Variants in CDH18 observed in about 807,000 individuals in gnomAD.
CDH18 encodes the protein cadherin-18.
Under a neutral mutation model 67.9 loss-of-function variants are expected in CDH18, and 31 were observed. That is an observed-to-expected ratio of 0.46 (90% confidence interval 0.34 to 0.62). The LOEUF (loss-of-function observed/expected upper bound fraction) is 0.62, where lower values mean the gene tolerates loss of function less well. Among genes scored for constraint, CDH18 ranks in the 20% least tolerant of loss-of-function variants. The pLI is 0.01. For synonymous variants in CDH18, 362 were observed against 347.2 expected (o/e 1.04, Z -0.48); for missense variants, 890 against 975.5 (o/e 0.91, Z 1.17).
At chr5:19,836,303 A>T (rs1042949131) in intron 3 of CDH18, among the ~76,000 whole-genome samples, 2 of 152,040 alleles carry the variant, frequency 1.3e-5, no homozygotes, top group African/African-American at 4.8e-5. Context: ...AAGTGTTCCT[A>T]TTTCTCCACA....
chr5:19,806,056 CCT>C (rs1221652425), intron 3 of CDH18, among the ~76,000 whole-genome samples: 1 of 152,200 alleles, frequency 6.6e-6, no homozygotes, highest in Non-Finnish European at 1.5e-5. Flanking sequence ...AACCGTTACC[CCT>C]GTTTGTCCTT....
At chr5:19,832,689 T>C (rs1033842386) in intron 3 of CDH18, among the ~76,000 whole-genome samples, 2 of 152,192 alleles carry the variant, frequency 1.3e-5, no homozygotes, top group African/African-American at 4.8e-5. Flanking sequence ...TAGTCCATCT[T>C]GAGTTAATGT....
chr5:20,049,383 AG>A (rs916530849), intron 2 of CDH18, among the ~76,000 whole-genome samples: 1 of 151,714 alleles, frequency 6.6e-6, no homozygotes, highest in African/African-American at 2.4e-5. Context: ...GGAGAGGATC[AG>A]GAAAAATAAC....
intron 5 of CDH18, among the ~76,000 whole-genome samples, chr5:19,648,021 A>G (rs1755029177): frequency 6.6e-6 from 1 of 152,090 alleles, no homozygotes; most frequent in Non-Finnish European, 1.5e-5. Context: ...AAGACAATTG[A>G]AGGCAGAACT....
intron 10 of CDH18, among the ~76,000 whole-genome samples, chr5:19,517,649 T>C (rs978140999): frequency 2.0e-5 from 3 of 152,138 alleles, no homozygotes; most frequent in African/African-American, 7.2e-5. Flanking sequence ...GTAGGCAGTA[T>C]GCTTGGTGGT....
intron 2 of CDH18, among the ~76,000 whole-genome samples, chr5:19,902,990 T>C (rs1790110726): frequency 6.6e-6 from 1 of 152,048 alleles, no homozygotes; most frequent in Admixed American, 6.6e-5. Flanking sequence ...ATTATTATTT[T>C]AAAACTTTGT....
At chr5:20,568,788 TA>T (rs1391196094) in intron 1 of CDH18, among the ~76,000 whole-genome samples, 3 of 152,206 alleles carry the variant, frequency 2.0e-5, no homozygotes, top group Non-Finnish European at 4.4e-5. Flanking sequence ...TTTGTCTGTG[TA>T]TTGTTTCAAG....
chr5:20,151,549 T>C (rs1751105990), intron 2 of CDH18, among the ~76,000 whole-genome samples: 1 of 152,132 alleles, frequency 6.6e-6, no homozygotes, highest in Non-Finnish European at 1.5e-5. Context: ...TTAAGTTATT[T>C]GAGAAACATC....
At chr5:20,564,329 G>A (rs1017859182) in intron 1 of CDH18, among the ~76,000 whole-genome samples, 25 of 149,498 alleles carry the variant, frequency 1.7e-4, no homozygotes, top group South Asian at 2.1e-4. Context: ...CCAGGCTGGA[G>A]TACATTGGTG....
At chr5:19,622,242 T>C (rs764425355) in intron 5 of CDH18, among the ~76,000 whole-genome samples, 5 of 152,096 alleles carry the variant, frequency 3.3e-5, no homozygotes, top group Admixed American at 6.6e-5. Flanking sequence ...ACATGGTAAG[T>C]AAACTCGGGT....
chr5:19,723,340 T>C (rs1163639749), intron 4 of CDH18, among the ~76,000 whole-genome samples: 1 of 152,168 alleles, frequency 6.6e-6, no homozygotes, highest in Non-Finnish European at 1.5e-5. Context: ...AAGTTTATTC[T>C]GTGTCTTCAA....
intron 1 of CDH18, among the ~76,000 whole-genome samples, chr5:20,267,832 A>C (rs187783860): frequency 6.6e-6 from 1 of 152,320 alleles, no homozygotes; most frequent in Non-Finnish European, 1.5e-5. Context: ...CACGAGGTAC[A>C]TGTGCAGGTT....
At chr5:20,410,169 C>A (rs73058752) in intron 1 of CDH18, among the ~76,000 whole-genome samples, 7,795 of 125,180 alleles carry the variant, frequency 0.062, 544 homozygotes, top group African/African-American at 0.18. Flanking sequence ...CAAAGCCAGA[C>A]AAAAACACCA....
intron 5 of CDH18, among the ~76,000 whole-genome samples, chr5:19,677,057 G>T (rs13175546): frequency 2.0e-5 from 3 of 151,786 alleles, no homozygotes; most frequent in Non-Finnish European, 4.4e-5. Flanking sequence ...ATTTGCTGCC[G>T]GTAATTTGAA....
At chr5:20,095,355 G>GAAAGAAAGA (rs1745824475) in intron 2 of CDH18, among the ~76,000 whole-genome samples, 4 of 91,512 alleles carry the variant, frequency 4.4e-5, no homozygotes, top group African/African-American at 1.8e-4. Context: ...AAGAAAGAAA[G>GAAAGAAAGA]AAAGAAAAGA....
At chr5:19,495,543 C>G (rs1051470826) in intron 11 of CDH18, among the ~76,000 whole-genome samples, 13 of 151,804 alleles carry the variant, frequency 8.6e-5, no homozygotes, top group Admixed American at 8.5e-4. Context: ...GAGATTGAGA[C>G]CAGCCTGATC....
At chr5:19,706,913 C>T (rs769697588) in intron 5 of CDH18, among the ~76,000 whole-genome samples, 1 of 152,092 alleles carries the variant, frequency 6.6e-6, no homozygotes, top group Non-Finnish European at 1.5e-5. Context: ...ATTTTTTGAG[C>T]CTGCCTAAAG....
chr5:20,019,167 G>A lies in CDH18; in HGVS notation c.-517-27153C>T, dbSNP rs116080952. On this transcript the variant is annotated intron_variant, in intron 2 of 14. Coordinates refer to the CDH18 transcript ENST00000507958. ...GTATTTTCATGGAATTAAGCACCAT[G>A]AAATCACTACAAAAGGAGTGAGAAT... Among the ~76,000 whole-genome samples the A allele has an allele frequency of 2.6e-3, 401 of 152,210 alleles. 1 individual carries two copies. Among genetic ancestry groups the A allele is most frequent in the African/African-American group, 9.3e-3 (385 of 41,538 alleles).
At chr5:20,244,717 A>G (rs965901779) in intron 2 of CDH18, among the ~76,000 whole-genome samples, 15 of 152,104 alleles carry the variant, frequency 9.9e-5, no homozygotes, top group African/African-American at 3.1e-4. Flanking sequence ...CAAAATTTGA[A>G]TTGTATGTGA....
Sources: allele counts gnomAD v4.1 joint callset (sites outside exome capture counted in the v4.1 genomes callset), GRCh38; gene constraint gnomAD v4.1.1; transcripts MANE v1.5; gene names NCBI Gene and HGNC (gene_info 2026-07-23, HGNC 2026-07-21).